ABCG1: variants seen among roughly 807,000 people sequenced by gnomAD.
ABCG1 encodes ATP binding cassette subfamily G member 1.
Under a neutral mutation model 69.2 loss-of-function variants are expected in ABCG1, and 29 were observed. The ratio of observed to expected loss-of-function variants is 0.42; its 90% CI spans 0.31 to 0.57. The LOEUF is 0.57. ABCG1 is among the 20% of genes least tolerant of loss of function. The pLI is 0.15. For synonymous variants in ABCG1, 370 were observed against 374.8 expected (o/e 0.99, Z 0.15); for missense variants, 718 against 898.1 (o/e 0.80, Z 2.56).
At chr21:42,294,970 T>G (rs2069175894) in intron 14 of ABCG1, 240 of 310,672 alleles carry the variant, frequency 7.7e-4, no homozygotes, top group Middle Eastern at 2.4e-3. Context: ...AGGAACGTTC[T>G]TCCTCCCCGA....
At chr21:42,244,626 G>T (rs956266674) in intron 2 of ABCG1, among the ~76,000 whole-genome samples, 1 of 152,220 alleles carries the variant, frequency 6.6e-6, no homozygotes, top group African/African-American at 2.4e-5. Context: ...GAGTTGCAAG[G>T]ATCACAATTA....
chr21:42,276,869 C>T lies in ABCG1; in HGVS notation c.538-26C>T, dbSNP rs2068721230. 1.2e-6 allele frequency: 2 copies of T among 1,613,662 alleles called. No individual in the cohort carries two copies. The highest frequency in any genetic ancestry group is 1.7e-5 in the Admixed American group (1 of 59,988). On this transcript the variant is annotated intron_variant, in intron 4 of 14. Transcript: ENST00000398449. This position sits in a 1 kb window ranked among gnomAD's most constrained non-coding sequence, Gnocchi z 5.3. Reference sequence around the variant, plus strand: ...TGCCAGTGGCCGTCTGTTCTGCTTCCACACTGTTGTCCTTGTCCCCTGCAG... The same window carrying T: ...TGCCAGTGGCCGTCTGTTCTGCTTCTACACTGTTGTCCTTGTCCCCTGCAG...
intron 2 of ABCG1, among the ~76,000 whole-genome samples, chr21:42,236,133 G>A (rs2067975303): frequency 6.6e-6 from 1 of 152,192 alleles, no homozygotes; most frequent in South Asian, 2.1e-4. Context: ...TGGCCAGGGT[G>A]GGGTTTGGAA....
intron 2 of ABCG1, among the ~76,000 whole-genome samples, chr21:42,207,210 T>C (rs963073887): frequency 6.6e-6 from 1 of 152,236 alleles, no homozygotes; most frequent in African/African-American, 2.4e-5. Context: ...ACTTCTGGGC[T>C]TCTGTTAGAT....
At chr21:42,293,321 A>G (rs2069123627) in intron 13 of ABCG1, among the ~76,000 whole-genome samples, 1 of 138,462 alleles carries the variant, frequency 7.2e-6, no homozygotes, top group Non-Finnish European at 1.5e-5. Context: ...CACACAGTAC[A>G]CACTACACAC....
chr21:42,281,740 T>C (rs567909333), intron 5 of ABCG1, among the ~76,000 whole-genome samples: 3 of 152,296 alleles, frequency 2.0e-5, no homozygotes, highest in African/African-American at 7.2e-5. Flanking sequence ...ACCTCAGCGA[T>C]GACAAGAGTG....
intron 2 of ABCG1, among the ~76,000 whole-genome samples, chr21:42,250,825 G>T (rs1411791703): frequency 6.6e-6 from 1 of 152,194 alleles, no homozygotes; most frequent in African/African-American, 2.4e-5. Context: ...TGGCATGGAG[G>T]CAGGGTCAGG....
At chr21:42,269,891 C>T (rs2068584712) in intron 2 of ABCG1, among the ~76,000 whole-genome samples, 1 of 152,186 alleles carries the variant, frequency 6.6e-6, no homozygotes, top group South Asian at 2.1e-4. Flanking sequence ...CATTAGGTCC[C>T]CTGAAACGTG....
At chr21:42,284,539 A>T in intron 6 of ABCG1, 21 bp from the exon 7 acceptor site, 6 of 1,611,116 alleles carry the variant, frequency 3.7e-6, no homozygotes, top group Non-Finnish European at 5.1e-6. Context: ...CAGGCGTCTC[A>T]CGGTGCCTCT....
At chr21:42,226,855 AG>A (rs539921316) in intron 2 of ABCG1, among the ~76,000 whole-genome samples, 145 of 152,366 alleles carry the variant, frequency 9.5e-4, no homozygotes, top group African/African-American at 3.2e-3. Context: ...CAAATGACTC[AG>A]GTACCCCTGG....
At chr21:42,280,082 C>G (rs2068779938) in intron 5 of ABCG1, among the ~76,000 whole-genome samples, 1 of 152,234 alleles carries the variant, frequency 6.6e-6, no homozygotes, top group Admixed American at 6.5e-5. Flanking sequence ...GAGCCCTCCC[C>G]ACAGGACCTG....
At position 42,253,568 on chromosome 21, in the gene ABCG1, C is replaced by T. The variant is rs186501561; in HGVS notation, c.287-17502C>T. Among the ~76,000 whole-genome samples the T allele has an allele frequency of 6.6e-5, 10 of 152,094 alleles. 1 individual carries two copies. Among genetic ancestry groups the T allele is most frequent in the Non-Finnish European group, 1.2e-4 (8 of 67,980 alleles). On this transcript the variant is annotated intron_variant, in intron 2 of 14. Transcript: ENST00000398449. ...CAGGCAAGCAGCCCCTCCTAGAGAG[C>T]GAGGGTCTTGGAAGGCCTGGTATGA...
At chr21:42,259,387 G>A in intron 2 of ABCG1, 2 of 1,550,390 alleles carry the variant, frequency 1.3e-6, no homozygotes, top group South Asian at 1.2e-5. Context: ...GTGACAGACT[G>A]CGTGTCCTGC....
chr21:42,248,615 C>T (rs1287282275), intron 2 of ABCG1, among the ~76,000 whole-genome samples: 4 of 152,080 alleles, frequency 2.6e-5, no homozygotes, highest in Non-Finnish European at 5.9e-5. Flanking sequence ...CAGGCAGGTG[C>T]GGTGGCTCAC....
At chr21:42,253,113 C>G (rs1434725708) in intron 2 of ABCG1, among the ~76,000 whole-genome samples, 1 of 152,140 alleles carries the variant, frequency 6.6e-6, no homozygotes, top group African/African-American at 2.4e-5. Flanking sequence ...CAGATGCTAG[C>G]CTTGGAGGAG....
intron 2 of ABCG1, among the ~76,000 whole-genome samples, chr21:42,260,620 CT>C (rs2068391927): frequency 6.6e-6 from 1 of 152,192 alleles, no homozygotes; most frequent in African/African-American, 2.4e-5. Context: ...GGACTTCTTA[CT>C]TCCCCTCTCA....
At chr21:42,205,478 A>G (rs2067535954) in intron 2 of ABCG1, among the ~76,000 whole-genome samples, 1 of 152,096 alleles carries the variant, frequency 6.6e-6, no homozygotes, top group Admixed American at 6.5e-5. Context: ...GGGCACCTGT[A>G]ATCCCAGCTA....
chr21:42,294,538 C>T lies in ABCG1; in HGVS notation c.1654-4C>T. ...ACATCTGTCCTGTGTGCCCCCAACT[C>T]CAGGTGGCCACTTTCGTGGGCCCAG... On this transcript the variant is annotated splice_polypyrimidine_tract_variant and splice_region_variant and intron_variant, in intron 13 of 14. Transcript: ENST00000398449. The T allele has an allele frequency of 1.9e-6, 3 of 1,613,002 alleles. No individual in the cohort carries two copies. The highest frequency in any genetic ancestry group is 2.7e-5 in the African/African-American group (2 of 75,036).
intron 2 of ABCG1, among the ~76,000 whole-genome samples, chr21:42,251,677 AT>A (rs750675144): frequency 3.9e-5 from 6 of 152,142 alleles, no homozygotes; most frequent in Non-Finnish European, 8.8e-5. Flanking sequence ...GAAGGGCCCA[AT>A]TGTGGAAAGA....
Sources: gnomAD v4.1 joint callset for allele counts (sites outside exome capture counted in the v4.1 genomes callset) on GRCh38, gnomAD v4.1.1 for gene constraint, Gnocchi (gnomAD v3.1) non-coding constraint, MANE v1.5 for transcripts, NCBI Gene and HGNC (gene_info 2026-07-23, HGNC 2026-07-21) for gene names.